Variants in AFG2A observed in about 807,000 individuals in gnomAD.
AFG2A encodes the protein ATPase family gene 2 protein homolog A.
At chr4:123,079,121 T>G in the AFG2A span, among the ~76,000 whole-genome samples, 1 of 152,210 alleles carries the variant, frequency 6.6e-6, no homozygotes, top group Non-Finnish European at 1.5e-5. Context: ...CATTTCTGTT[T>G]CCTAAAGTAG....
chr4:123,030,479 A>T, the AFG2A span, among the ~76,000 whole-genome samples: 1 of 152,210 alleles, frequency 6.6e-6, no homozygotes, highest in African/African-American at 2.4e-5. Flanking sequence ...ATAACCAGGC[A>T]CACATTCATT....
chr4:123,209,142 C>A, the AFG2A span, among the ~76,000 whole-genome samples: 1 of 152,162 alleles, frequency 6.6e-6, no homozygotes, highest in Non-Finnish European at 1.5e-5. Flanking sequence ...ATTAATTGAA[C>A]CCAAGCAGGG....
At chr4:123,228,928 C>A in the AFG2A span, among the ~76,000 whole-genome samples, 1 of 152,030 alleles carries the variant, frequency 6.6e-6, no homozygotes, top group Admixed American at 6.6e-5. Context: ...ATTTATCAAG[C>A]ACATTAGATA....
the AFG2A span, among the ~76,000 whole-genome samples, chr4:122,959,236 A>G: frequency 6.6e-6 from 1 of 152,192 alleles, no homozygotes; most frequent in Non-Finnish European, 1.5e-5. Context: ...GACCGTCTCT[A>G]ATAGTGTTGT....
At chr4:123,022,435 T>G in the AFG2A span, among the ~76,000 whole-genome samples, 4 of 151,694 alleles carry the variant, frequency 2.6e-5, no homozygotes, top group South Asian at 8.3e-4. Context: ...CATGAAAAAA[T>G]GGTCATCATC....
At chr4:122,942,745 CT>C in the AFG2A span, among the ~76,000 whole-genome samples, 131 of 151,688 alleles carry the variant, frequency 8.6e-4, no homozygotes, top group Middle Eastern at 6.8e-3. Flanking sequence ...AATTTTGGAT[CT>C]TTCCTGCTTT....
the AFG2A span, among the ~76,000 whole-genome samples, chr4:123,263,926 C>G: frequency 2.0e-5 from 3 of 152,126 alleles, no homozygotes; most frequent in African/African-American, 7.2e-5. Flanking sequence ...TATAGCAGCA[C>G]AATTCACAAT....
chr4:123,016,697 G>C, the AFG2A span, among the ~76,000 whole-genome samples: 3 of 151,168 alleles, frequency 2.0e-5, no homozygotes, highest in African/African-American at 7.3e-5. Context: ...AGGCAGAGAC[G>C]CTCCTCACTT....
At chr4:122,990,254 A>G in the AFG2A span, among the ~76,000 whole-genome samples, 1 of 152,144 alleles carries the variant, frequency 6.6e-6, no homozygotes, top group Non-Finnish European at 1.5e-5. Flanking sequence ...AGTGTGGGCA[A>G]TTGTTCAAGC....
the AFG2A span, among the ~76,000 whole-genome samples, chr4:122,932,762 C>G: frequency 6.6e-6 from 1 of 152,094 alleles, no homozygotes; most frequent in Non-Finnish European, 1.5e-5. Flanking sequence ...TTGGTCATGC[C>G]CTTTCTCCAG....
chr4:123,190,762 T>A, the AFG2A span, among the ~76,000 whole-genome samples: 1 of 152,220 alleles, frequency 6.6e-6, no homozygotes, highest in Non-Finnish European at 1.5e-5. Flanking sequence ...TCATATTTTT[T>A]AACAAAACAC....
At chr4:123,235,647 A>G in the AFG2A span, among the ~76,000 whole-genome samples, 2 of 152,186 alleles carry the variant, frequency 1.3e-5, no homozygotes, top group African/African-American at 2.4e-5. Context: ...TGAATAATCA[A>G]ATACCTGAGA....
chr4:122,972,601 A>T, the AFG2A span, among the ~76,000 whole-genome samples: 1 of 151,334 alleles, frequency 6.6e-6, no homozygotes, highest in Non-Finnish European at 1.5e-5. Flanking sequence ...CAGTAGCAGC[A>T]TCCTACAGAT....
the AFG2A span, among the ~76,000 whole-genome samples, chr4:122,986,591 G>A: frequency 4.2e-3 from 622 of 149,384 alleles, 3 homozygotes; most frequent in Non-Finnish European, 4.8e-3. Flanking sequence ...CAGGGACTTG[G>A]CGGGAAGAAT....
the AFG2A span, among the ~76,000 whole-genome samples, chr4:123,036,460 A>G: frequency 6.6e-6 from 1 of 152,122 alleles, no homozygotes; most frequent in Non-Finnish European, 1.5e-5. Context: ...GCAGTTGTAT[A>G]TATGGATTTG....
chr4:123,067,962 G>T, the AFG2A span, among the ~76,000 whole-genome samples: 2 of 152,138 alleles, frequency 1.3e-5, no homozygotes, highest in African/African-American at 4.8e-5. Flanking sequence ...TTAAGATACC[G>T]TAATATCCCT....
At chr4:122,943,994 C>T in the AFG2A span, among the ~76,000 whole-genome samples, 2 of 152,122 alleles carry the variant, frequency 1.3e-5, no homozygotes, top group Non-Finnish European at 2.9e-5. Context: ...AGAGTTTCTG[C>T]CGAGAGATCC....
the AFG2A span, among the ~76,000 whole-genome samples, chr4:123,007,564 GTA>G: frequency 0.038 from 1,275 of 33,570 alleles, 52 homozygotes; most frequent in African/African-American, 0.11. Flanking sequence ...GTGTGTGTGT[GTA>G]TATGTGTGTG....
At chr4:122,995,630 T>C in the AFG2A span, among the ~76,000 whole-genome samples, 1 of 152,222 alleles carries the variant, frequency 6.6e-6, no homozygotes, top group Non-Finnish European at 1.5e-5. Context: ...ATCATCAATT[T>C]CTATCCTCAG....
Sources: allele counts gnomAD v4.1 joint callset (sites outside exome capture counted in the v4.1 genomes callset), GRCh38; gene constraint gnomAD v4.1.1; transcripts MANE v1.5; gene names NCBI Gene and HGNC (gene_info 2026-07-23, HGNC 2026-07-21).